The following ACKR2 variants were observed in gnomAD, a reference collection of about 807,000 sequenced individuals.
The protein encoded by ACKR2 is C-C chemokine receptor D6.
For synonymous variants in ACKR2, 207 were observed against 192.2 expected, an observed-to-expected ratio of 1.08 and a Z score of -0.64; for missense variants, 457 against 477.3, an observed-to-expected ratio of 0.96 and a Z score of 0.40.
At chr3:42,826,277 A>C (rs1189034371) in intron 2 of ACKR2, among the ~76,000 whole-genome samples, 3 of 152,074 alleles carry the variant, frequency 2.0e-5, no homozygotes, top group African/African-American at 7.2e-5. Context: ...TCATAGAATG[A>C]GTTGGGAAAT....
intron 2 of ACKR2, among the ~76,000 whole-genome samples, chr3:42,860,148 T>C (rs1385777462): frequency 4.4e-4 from 9 of 20,566 alleles, no homozygotes; most frequent in African/African-American, 1.1e-3. Context: ...GGAATATTTA[T>C]CAAGCAAATG....
chr3:42,850,366 TA>T (rs1161064493), intron 2 of ACKR2, among the ~76,000 whole-genome samples: 5 of 152,060 alleles, frequency 3.3e-5, no homozygotes, highest in African/African-American at 1.2e-4. Context: ...GTACCCCCAA[TA>T]AACTTGCAAA....
At chr3:42,862,736 C>T (rs972456031) in intron 2 of ACKR2, among the ~76,000 whole-genome samples, 15 of 152,224 alleles carry the variant, frequency 9.9e-5, no homozygotes, top group African/African-American at 3.1e-4. Flanking sequence ...CTTTGACAAA[C>T]CTGACAAAAA....
rs376833790 is a variant in ACKR2 at position 42,860,189 on chromosome 3, A to AAAAAAAAAAAAAC, written c.-37-4277_-37-4276insAAAAAAAAAAAAC. Reference sequence around the variant, plus strand: ...CAAAAAAAAAAAAAAAAAAAAAAAAAGCAGGGGATGCAATCCTAGTCTCTG... The same window carrying AAAAAAAAAAAAAC: ...CAAAAAAAAAAAAAAAAAAAAAAAAAAAAAAAAAAAAACGCAGGGGATGCAATCCTAGTCTCTG... On this transcript the variant is annotated intron_variant, in intron 2 of 2. Coordinates refer to ENST00000422265, the MANE Select transcript of ACKR2 (RefSeq NM_001296.5). Among the ~76,000 whole-genome samples, 139 of 111,622 alleles carry AAAAAAAAAAAAAC rather than the reference A, an allele frequency of 1.2e-3. 14 individuals are homozygous for AAAAAAAAAAAAAC. The highest frequency in any genetic ancestry group is 4.7e-3 in the Middle Eastern group (1 of 212). The allele number at this position is 111,622 out of a possible 152,430, so 73.2% of individuals were successfully genotyped here. A position where few individuals can be genotyped will look rare whatever the true frequency, so the allele number is the denominator to read the frequency against.
chr3:42,828,612 G>T (rs1700897129), intron 2 of ACKR2, among the ~76,000 whole-genome samples: 1 of 152,162 alleles, frequency 6.6e-6, no homozygotes, highest in South Asian at 2.1e-4. Context: ...TTCTGGGAAG[G>T]TCTGAGGATG....
At chr3:42,816,438 G>A (rs1246991399) in intron 1 of ACKR2, among the ~76,000 whole-genome samples, 3 of 151,984 alleles carry the variant, frequency 2.0e-5, no homozygotes, top group African/African-American at 7.2e-5. Context: ...GGATTTGTGT[G>A]TTTATGTAGT....
At chr3:42,860,184 A>AAAAAAAAG in intron 2 of ACKR2, among the ~76,000 whole-genome samples, 1 of 144,828 alleles carries the variant, frequency 6.9e-6, no homozygotes, top group Non-Finnish European at 1.5e-5. Context: ...AAAAAAAAAA[A>AAAAAAAAG]AAAAAGCAGG....
rs149364873 is a variant in ACKR2, at chr3:42,865,137, T to C, written c.635T>C (p.Phe212Ser). The part of the protein sequence containing the change: ...HGTIWKLFLR[F>S]QQNLLGFLLP... ...ACCATTTGGAAGCTCTTCCTCCGCT[T>C]CCAGCAGAACCTCCTAGGGTTTCTC... Residue 212 changes from phenylalanine to serine, a missense_variant, in exon 3 of 3, where the codon TTC becomes TCC. Physicochemically the swap from Phe to Ser is radical, Grantham distance 155. Coordinates refer to ENST00000422265, the MANE Select transcript of ACKR2 (RefSeq NM_001296.5). 1.7e-4 allele frequency: 267 copies of C among 1,614,064 alleles called. No homozygotes were observed. The Middle Eastern group carries it at 2.6e-3, about 16-fold the overall frequency.
At chr3:42,844,197 A>G (rs1191553014) in intron 2 of ACKR2, 1 of 152,240 alleles carries the variant, frequency 6.6e-6, no homozygotes, top group African/African-American at 2.4e-5. Flanking sequence ...GCAATGTCAT[A>G]TGGTCCCACT....
intron 2 of ACKR2, among the ~76,000 whole-genome samples, chr3:42,827,948 C>T (rs1700886179): frequency 6.6e-6 from 1 of 151,960 alleles, no homozygotes; most frequent in Admixed American, 6.6e-5. Context: ...AGCTACCACA[C>T]ACCCTTCAGT....
intron 2 of ACKR2, among the ~76,000 whole-genome samples, chr3:42,847,570 G>T (rs1163874749): frequency 6.6e-6 from 1 of 152,188 alleles, no homozygotes; most frequent in Non-Finnish European, 1.5e-5. Flanking sequence ...CCAGAATGGG[G>T]TGAATTTTGC....
chr3:42,859,444 T>C (rs2088357721), intron 2 of ACKR2, among the ~76,000 whole-genome samples: 1 of 151,152 alleles, frequency 6.6e-6, no homozygotes, highest in Non-Finnish European at 1.5e-5. Context: ...AGTGGCGCGG[T>C]CTTGGCTCAC....
At chr3:42,822,581 G>A (rs764573065) in intron 2 of ACKR2, among the ~76,000 whole-genome samples, 7 of 152,038 alleles carry the variant, frequency 4.6e-5, no homozygotes, top group East Asian at 1.9e-4. Flanking sequence ...GGCTGGGTGC[G>A]GTGGCTCACA....
chr3:42,838,723 A>G (rs1701008167), intron 2 of ACKR2, among the ~76,000 whole-genome samples: 1 of 152,190 alleles, frequency 6.6e-6, no homozygotes, highest in South Asian at 2.1e-4. Flanking sequence ...TGAAATGAAA[A>G]CCTATGTTCA....
intron 2 of ACKR2, among the ~76,000 whole-genome samples, chr3:42,843,310 A>G (rs1701059690): frequency 6.6e-6 from 1 of 151,560 alleles, no homozygotes; most frequent in Non-Finnish European, 1.5e-5. Flanking sequence ...ACCTCAAGTG[A>G]TCTGCCCCCC....
chr3:42,851,070 A>G (rs1370211521), intron 2 of ACKR2: 1 of 152,268 alleles, frequency 6.6e-6, no homozygotes, highest in African/African-American at 2.4e-5. Context: ...ACACAGGGTA[A>G]ACAAAGGCCT....
chr3:42,828,092 A>ATATTTTTTTTTTT (rs1193533555), intron 2 of ACKR2, among the ~76,000 whole-genome samples: 1 of 121,900 alleles, frequency 8.2e-6, no homozygotes, highest in Non-Finnish European at 1.7e-5. Context: ...ATATATATAT[A>ATATTTTTTTTTTT]TTTTTTTTTT....
intron 2 of ACKR2, among the ~76,000 whole-genome samples, chr3:42,842,085 G>A (rs570226986): frequency 6.6e-6 from 1 of 152,246 alleles, no homozygotes; most frequent in South Asian, 2.1e-4. Flanking sequence ...AGGTGTTGTC[G>A]GCCACAGTGA....
intron 2 of ACKR2, chr3:42,851,227 G>A (rs760068285): frequency 3.3e-6 from 1 of 304,186 alleles, no homozygotes. Flanking sequence ...ATCAATGAGA[G>A]AAATAGCTCA....
Sources: allele counts gnomAD v4.1 joint callset (sites outside exome capture counted in the v4.1 genomes callset), GRCh38; gene constraint gnomAD v4.1.1; transcripts MANE v1.5; gene names NCBI Gene and HGNC (gene_info 2026-07-23, HGNC 2026-07-21).